The following SIL1 variants were observed in gnomAD, a reference collection of about 807,000 sequenced individuals.
SIL1 encodes SIL1 nucleotide exchange factor.
SIL1 carries 40 observed loss-of-function variants against 49.1 expected under a neutral mutation model. That is an observed-to-expected ratio of 0.81 (90% CI 0.63 to 1.06). The LOEUF is 1.06. Among genes scored for constraint, SIL1 ranks in the 50% least tolerant of loss-of-function variants. The pLI, the probability that SIL1 is intolerant of heterozygous loss-of-function variation, is 0.00. For missense variants in SIL1, 500 were observed against 572.6 expected (o/e 0.87, Z 1.29); for synonymous variants, 253 against 250.8 (o/e 1.01, Z -0.08).
At chr5:138,949,016 C>T (rs550257213) in intron 9 of SIL1, among the ~76,000 whole-genome samples, 17 of 152,232 alleles carry the variant, frequency 1.1e-4, no homozygotes, top group Non-Finnish European at 2.2e-4. Context: ...TTTATATTAT[C>T]CAGTCCCGGG....
intron 5 of SIL1, among the ~76,000 whole-genome samples, chr5:139,031,469 C>A (rs1768791373): frequency 6.6e-6 from 1 of 152,142 alleles, no homozygotes; most frequent in African/African-American, 2.4e-5. Flanking sequence ...TTCCATTGAT[C>A]TATGATTCTT....
intron 1 of SIL1, among the ~76,000 whole-genome samples, chr5:139,171,662 C>A (rs546271820): frequency 6.7e-6 from 1 of 150,232 alleles, no homozygotes; most frequent in Non-Finnish European, 1.5e-5. Flanking sequence ...ACCCTGCCAA[C>A]TCCCCCTCTG....
chr5:139,140,399 G>A (rs935579779), intron 1 of SIL1, among the ~76,000 whole-genome samples: 11 of 152,098 alleles, frequency 7.2e-5, no homozygotes, highest in African/African-American at 2.4e-4. Flanking sequence ...GCAACAATAC[G>A]AGGATGGGTC....
intron 1 of SIL1, among the ~76,000 whole-genome samples, chr5:139,170,675 C>G (rs1342610191): frequency 6.7e-6 from 1 of 148,936 alleles, no homozygotes; most frequent in African/African-American, 2.6e-5. Flanking sequence ...CGCCCAGCAG[C>G]CACCCCGTCT....
intron 1 of SIL1, among the ~76,000 whole-genome samples, chr5:139,174,937 C>CAAAAAAAAAAAAAAAA (rs56959325): frequency 1.0e-4 from 6 of 59,836 alleles, no homozygotes; most frequent in Non-Finnish European, 1.5e-4. Flanking sequence ...GACTGTGTCT[C>CAAAAAAAAAAAAAAAA]AAAAAAAAAA....
At chr5:139,192,822 A>G (rs901134929) in intron 1 of SIL1, among the ~76,000 whole-genome samples, 3 of 151,386 alleles carry the variant, frequency 2.0e-5, no homozygotes, top group Non-Finnish European at 4.4e-5. Context: ...ACACAGTGAG[A>G]CTGTCTCTAC....
rs745648719 is a variant in SIL1 at position 139,042,738 on chromosome 5, G to C, written c.354-19C>G. On this transcript the variant is annotated intron_variant, in intron 4 of 9. Transcript: ENST00000394817. ...ATCCAGCCTGTCCAAAGAAAACTGA[G>C]AGTAAAGAGGGAGGCATGGCTAGGC... The C allele has an allele frequency of 6.2e-7, 1 of 1,609,818 alleles. No homozygotes were observed. The highest frequency in any genetic ancestry group is 8.5e-7 in the Non-Finnish European group (1 of 1,176,108).
At chr5:138,949,041 AG>A (rs1319931926) in intron 9 of SIL1, among the ~76,000 whole-genome samples, 1 of 152,242 alleles carries the variant, frequency 6.6e-6, no homozygotes, top group East Asian at 1.9e-4. Context: ...CTGTTAAAGC[AG>A]CAGCAGACAG....
intron 3 of SIL1, among the ~76,000 whole-genome samples, chr5:139,098,876 G>A (rs1264425130): frequency 7.0e-6 from 1 of 142,752 alleles, no homozygotes; most frequent in Non-Finnish European, 1.5e-5. Context: ...GAGTGCAGTG[G>A]TGTGATCTCA....
At chr5:139,005,301 C>T (rs1768087428) in intron 7 of SIL1, among the ~76,000 whole-genome samples, 1 of 151,874 alleles carries the variant, frequency 6.6e-6, no homozygotes, top group Non-Finnish European at 1.5e-5. Context: ...ATTTTCTAAT[C>T]TGTCCATTGT....
At chr5:139,061,029 T>G (rs1243324606) in intron 3 of SIL1, among the ~76,000 whole-genome samples, 1 of 152,188 alleles carries the variant, frequency 6.6e-6, no homozygotes, top group African/African-American at 2.4e-5. Flanking sequence ...GTGAGGGCTG[T>G]GAAAAATGCC....
chr5:139,177,170 G>A (rs1457618409), intron 1 of SIL1, among the ~76,000 whole-genome samples: 1 of 152,074 alleles, frequency 6.6e-6, no homozygotes, highest in Non-Finnish European at 1.5e-5. Flanking sequence ...CTGACCTTGT[G>A]ATCCACCTGC....
intron 3 of SIL1, among the ~76,000 whole-genome samples, chr5:139,117,374 T>C (rs1462829892): frequency 6.6e-6 from 1 of 152,110 alleles, no homozygotes; most frequent in Non-Finnish European, 1.5e-5. Context: ...AAAATGAGGA[T>C]AGTTATAGCA....
chr5:139,046,137 G>A (rs868206217), intron 4 of SIL1, among the ~76,000 whole-genome samples: 4 of 152,174 alleles, frequency 2.6e-5, no homozygotes, highest in Admixed American at 1.3e-4. Context: ...GACCAGCCTG[G>A]CCAACATGGT....
At chr5:139,155,584 C>T (rs923341831) in intron 1 of SIL1, 3 of 152,188 alleles carry the variant, frequency 2.0e-5, no homozygotes, top group African/African-American at 7.2e-5. Flanking sequence ...TTCTTTACAC[C>T]AAATACAGCC....
intron 1 of SIL1, among the ~76,000 whole-genome samples, chr5:139,130,958 G>A (rs1186681619): frequency 6.6e-6 from 1 of 152,142 alleles, no homozygotes; most frequent in Non-Finnish European, 1.5e-5. Flanking sequence ...GCAGTTACCG[G>A]GTTAAGGAAA....
intron 7 of SIL1, among the ~76,000 whole-genome samples, chr5:138,980,641 T>C (rs1304092404): frequency 3.3e-5 from 5 of 151,982 alleles, no homozygotes; most frequent in African/African-American, 1.2e-4. Context: ...ATATATGGAG[T>C]TGCCTCTGGG....
At chr5:139,171,929 A>C (rs575034211) in intron 1 of SIL1, among the ~76,000 whole-genome samples, 1 of 152,098 alleles carries the variant, frequency 6.6e-6, no homozygotes, top group African/African-American at 2.4e-5. Flanking sequence ...AAAGAAACCA[A>C]AAATTCTAGA....
chr5:138,976,336 G>A (rs770809313), intron 7 of SIL1, among the ~76,000 whole-genome samples: 15 of 142,080 alleles, frequency 1.1e-4, no homozygotes, highest in African/African-American at 1.9e-4. Flanking sequence ...TTTTTGAGGC[G>A]GAGTCTCACT....
Sources: gnomAD v4.1 joint callset for allele counts (sites outside exome capture counted in the v4.1 genomes callset) on GRCh38, gnomAD v4.1.1 for gene constraint, MANE v1.5 for transcripts, NCBI Gene and HGNC (gene_info 2026-07-23, HGNC 2026-07-21) for gene names.